The following MYH16 variants were observed in gnomAD, a reference collection of about 807,000 sequenced individuals.
MYH16 encodes putative uncharacterized protein MYH16.
At chr7:99,298,869 A>G (rs1361659818) in intron 36 of MYH16, among the ~76,000 whole-genome samples, 2 of 151,994 alleles carry the variant, frequency 1.3e-5, no homozygotes, top group Non-Finnish European at 2.9e-5. Context: ...TGCACCCACT[A>G]ACTCGTCATC....
At chr7:99,271,298 C>T (rs976518178) in intron 19 of MYH16, among the ~76,000 whole-genome samples, 1 of 152,168 alleles carries the variant, frequency 6.6e-6, no homozygotes, top group African/African-American at 2.4e-5. Context: ...TGCCTGAGGT[C>T]GGGAGTTCAA....
chr7:99,285,174 T>C (rs1190183992), intron 26 of MYH16, among the ~76,000 whole-genome samples: 2 of 152,218 alleles, frequency 1.3e-5, no homozygotes, highest in Admixed American at 6.5e-5. Flanking sequence ...TATCCAGCCA[T>C]GCTGGCTCCT....
chr7:99,245,667 A>G (rs1791720780), intron 2 of MYH16, among the ~76,000 whole-genome samples: 1 of 152,134 alleles, frequency 6.6e-6, no homozygotes, highest in South Asian at 2.1e-4. Flanking sequence ...AGCTGGGATT[A>G]CAAACTTGCG....
At chr7:99,274,669 CTTT>C (rs745470963) in intron 20 of MYH16, among the ~76,000 whole-genome samples, 1 of 117,564 alleles carries the variant, frequency 8.5e-6, no homozygotes, top group African/African-American at 3.9e-5. Context: ...CATTAATTCA[CTTT>C]TTTTTTTTTT....
chr7:99,250,867 C>G (rs1477849909), intron 5 of MYH16, among the ~76,000 whole-genome samples: 3 of 152,182 alleles, frequency 2.0e-5, no homozygotes, highest in African/African-American at 7.2e-5. Flanking sequence ...CCAGGTGCCC[C>G]TCCCAGTGTC....
chr7:99,300,147 A>T (rs1322868458), intron 37 of MYH16, among the ~76,000 whole-genome samples: 1 of 151,338 alleles, frequency 6.6e-6, no homozygotes, highest in Admixed American at 6.6e-5. Context: ...TTTAATAGAG[A>T]TGGGGTTTCA....
At chr7:99,289,017 G>A (rs1792328049) in intron 29 of MYH16, among the ~76,000 whole-genome samples, 2 of 152,046 alleles carry the variant, frequency 1.3e-5, no homozygotes, top group South Asian at 4.1e-4. Context: ...AGGAGGCTGT[G>A]GTGAGAGGAT....
chr7:99,290,310 C>T (rs555628682), intron 30 of MYH16, among the ~76,000 whole-genome samples: 1 of 151,234 alleles, frequency 6.6e-6, no homozygotes, highest in Admixed American at 6.6e-5. Context: ...ATAGCAAGAC[C>T]CCCATCTCTA....
intron 33 of MYH16, among the ~76,000 whole-genome samples, 176 bp downstream of exon 14, chr7:99,294,326 G>T (rs1241228445): frequency 6.6e-6 from 1 of 151,692 alleles, no homozygotes; most frequent in East Asian, 1.9e-4. Flanking sequence ...TTGAGCACGT[G>T]TTCATGAACT....
chr7:99,297,592 G>A (rs887445405), intron 34 of MYH16, 68 bp from the exon 16 acceptor site: 1 of 419,936 alleles, frequency 2.4e-6, no homozygotes, highest in Non-Finnish European at 4.8e-6. Context: ...CCCAATGGAG[G>A]AATGACGGTG....
intron 37 of MYH16, 70 bp downstream of exon 18, chr7:99,299,728 G>A (rs943865747): frequency 6.5e-6 from 1 of 152,682 alleles, no homozygotes; most frequent in African/African-American, 2.4e-5. Flanking sequence ...AAGGCCTAAA[G>A]GGGGCTAACT....
intron 21 of MYH16, among the ~76,000 whole-genome samples, chr7:99,278,342 T>G (rs888544826): frequency 2.0e-5 from 3 of 151,274 alleles, no homozygotes; most frequent in African/African-American, 7.3e-5. Context: ...CGAGATGGGG[T>G]GAGAACAGCA....
intron 19 of MYH16, among the ~76,000 whole-genome samples, chr7:99,271,575 AAAC>A (rs1330408065): frequency 6.6e-6 from 1 of 152,226 alleles, no homozygotes; most frequent in Non-Finnish European, 1.5e-5. Context: ...GGGTGGCTTC[AAAC>A]AACAGGAATT....
chr7:99,290,212 A>G (rs1397818737), intron 30 of MYH16, among the ~76,000 whole-genome samples: 2 of 152,182 alleles, frequency 1.3e-5, no homozygotes, highest in African/African-American at 4.8e-5. Flanking sequence ...GGCTGGGTGC[A>G]GTGGCTCACA....
intron 3 of MYH16, chr7:99,247,755 G>A (rs140697755): frequency 1.2e-3 from 192 of 163,076 alleles, no homozygotes; most frequent in African/African-American, 4.3e-3. Flanking sequence ...TTATGGGTGC[G>A]TCGGGGTGGG....
intron 32 of MYH16, among the ~76,000 whole-genome samples, chr7:99,292,957 C>T (rs1368439152): frequency 3.2e-5 from 2 of 62,176 alleles, no homozygotes; most frequent in Non-Finnish European, 4.9e-5. Flanking sequence ...AGGATCCTGT[C>T]TCTAAAAAAA....
At chr7:99,249,799 C>A (rs777657505) in intron 4 of MYH16, among the ~76,000 whole-genome samples, 1 of 151,796 alleles carries the variant, frequency 6.6e-6, no homozygotes, top group Non-Finnish European at 1.5e-5. Flanking sequence ...TCAGGTGATC[C>A]GCCCACCTTG....
chr7:99,296,721 C>G (rs370642460), exon 34 of MYH16: 1 of 455,802 alleles, frequency 2.2e-6, no homozygotes, highest in South Asian at 1.6e-5. Context: ...CAGCTGCTGC[C>G]CTGGACAAGA....
chr7:99,309,635 A>T (rs1792731720), downstream of MYH16, among the ~76,000 whole-genome samples: 1 of 152,240 alleles, frequency 6.6e-6, no homozygotes, highest in Non-Finnish European at 1.5e-5. Context: ...CTGTACACCC[A>T]GACTCAGAAG....
Sources: gnomAD v4.1 joint callset for allele counts (sites outside exome capture counted in the v4.1 genomes callset) on GRCh38, gnomAD v4.1.1 for gene constraint, MANE v1.5 for transcripts, NCBI Gene and HGNC (gene_info 2026-07-23, HGNC 2026-07-21) for gene names.